ADAM22: variants seen among roughly 807,000 people sequenced by gnomAD.
ADAM22 encodes the protein ADAM metallopeptidase domain 22, also known as disintegrin and metalloproteinase domain-containing protein 22.
A neutral mutation model predicts 144.6 loss-of-function variants in ADAM22; 65 were observed. The observed-to-expected ratio is 0.45, with a 90% CI of 0.37 to 0.55. The LOEUF (loss-of-function observed/expected upper bound fraction) is 0.55. ADAM22 is among the 20% of genes least tolerant of loss of function. ADAM22 has a pLI of 0.00. For synonymous variants in ADAM22, 391 were observed against 412.6 expected, an observed-to-expected ratio of 0.95 and a Z score of 0.63; for missense variants, 974 against 1,184.9, an observed-to-expected ratio of 0.82 and a Z score of 2.61.
rs142901199 is a variant in ADAM22 at position 88,175,536 on chromosome 7, A to T, written c.2301-3399A>T. ...GAGAGATACGTTTTGAGGGGGAAAA[A>T]AACTAGTTACATAAGTGTTTATTAT... On this transcript the variant is annotated intron_variant, in intron 26 of 31. Transcript: ENST00000413139. 9.3e-3 allele frequency among the ~76,000 whole-genome samples: 1,410 copies of T among 152,278 alleles called. 6 individuals carry two copies. The highest frequency in any genetic ancestry group is 0.013 in the Non-Finnish European group (914 of 68,006).
intron 3 of ADAM22, among the ~76,000 whole-genome samples, chr7:88,042,376 T>C (rs1305120991): frequency 2.0e-5 from 3 of 152,008 alleles, no homozygotes; most frequent in Non-Finnish European, 4.4e-5. Flanking sequence ...GTGGATTATG[T>C]TGATCTGGTA....
At chr7:88,018,267 G>A (rs1796988113) in intron 3 of ADAM22, among the ~76,000 whole-genome samples, 1 of 152,116 alleles carries the variant, frequency 6.6e-6, no homozygotes, top group Non-Finnish European at 1.5e-5. Flanking sequence ...GTAGCACCCA[G>A]AAACCACCGT....
chr7:88,075,354 C>T (rs1166313069), intron 3 of ADAM22, among the ~76,000 whole-genome samples: 2 of 151,990 alleles, frequency 1.3e-5, no homozygotes, highest in Admixed American at 1.3e-4. Flanking sequence ...CGGTAGTTTC[C>T]TGGAATTATT....
chr7:87,956,891 T>A (rs2129444476), intron 2 of ADAM22, among the ~76,000 whole-genome samples: 1 of 152,308 alleles, frequency 6.6e-6, no homozygotes, highest in Non-Finnish European at 1.5e-5. Flanking sequence ...GTGTAAAAAA[T>A]TTTTGTGTGG....
chr7:87,934,940 A>T, intron 1 of ADAM22, 86 bp from the exon 2 acceptor site: 1 of 1,570,170 alleles, frequency 6.4e-7, no homozygotes, highest in Non-Finnish European at 8.8e-7. Flanking sequence ...GGGGAGACGT[A>T]GGACTGCAGG....
At chr7:88,015,823 G>A (rs1309953549) in intron 3 of ADAM22, among the ~76,000 whole-genome samples, 1 of 152,104 alleles carries the variant, frequency 6.6e-6, no homozygotes, top group Non-Finnish European at 1.5e-5. Flanking sequence ...GGGAGCAGAG[G>A]CATTATTGTG....
At chr7:88,069,773 A>C (rs571477200) in intron 3 of ADAM22, among the ~76,000 whole-genome samples, 1 of 152,298 alleles carries the variant, frequency 6.6e-6, no homozygotes, top group South Asian at 2.1e-4. Flanking sequence ...CCTGAAATAC[A>C]GGGTGGATAG....
At chr7:88,170,371 C>T (rs1471797043) in intron 25 of ADAM22, among the ~76,000 whole-genome samples, 1 of 151,730 alleles carries the variant, frequency 6.6e-6, no homozygotes, top group Admixed American at 6.6e-5. Flanking sequence ...CCATTTAGAA[C>T]CTGAGAACTC....
At chr7:87,940,475 G>T (rs1041460109) in intron 2 of ADAM22, among the ~76,000 whole-genome samples, 1 of 152,130 alleles carries the variant, frequency 6.6e-6, no homozygotes, top group Non-Finnish European at 1.5e-5. Flanking sequence ...AAAAATTTTA[G>T]AAGAAATTTT....
intron 4 of ADAM22, among the ~76,000 whole-genome samples, chr7:88,077,558 G>A (rs1320873233): frequency 6.6e-6 from 1 of 152,216 alleles, no homozygotes; most frequent in Non-Finnish European, 1.5e-5. Flanking sequence ...CGCCTCACCT[G>A]GGAAGTGCAA....
At chr7:88,170,413 C>T (rs1417982824) in intron 25 of ADAM22, among the ~76,000 whole-genome samples, 1 of 151,736 alleles carries the variant, frequency 6.6e-6, no homozygotes, top group Non-Finnish European at 1.5e-5. Context: ...GTTAAACTTT[C>T]TACCCCTTCT....
chr7:88,130,308 A>G (rs536405372), intron 9 of ADAM22, 80 bp from the exon 10 acceptor site: 7 of 1,121,646 alleles, frequency 6.2e-6, no homozygotes, highest in South Asian at 2.9e-5. Context: ...GGATCTTTCA[A>G]TTGCACCATG....
At chr7:88,072,989 T>C (rs1813225071) in intron 3 of ADAM22, among the ~76,000 whole-genome samples, 2 of 152,212 alleles carry the variant, frequency 1.3e-5, no homozygotes, top group African/African-American at 4.8e-5. Flanking sequence ...ATATATAATA[T>C]ACTCATGATG....
At chr7:88,171,405 A>C in intron 25 of ADAM22, 139 bp from the exon 26 acceptor site, 1 of 669,040 alleles carries the variant, frequency 1.5e-6, no homozygotes, top group South Asian at 2.1e-5. Flanking sequence ...TTCCCATTTT[A>C]ATTCTGTAAT....
intron 11 of ADAM22, chr7:88,132,268 T>A (rs1586023753): frequency 6.6e-6 from 1 of 152,156 alleles, no homozygotes; most frequent in Non-Finnish European, 1.5e-5. Flanking sequence ...ATAACCACAG[T>A]AAATTATTAA....
chr7:87,975,126 G>A (rs576164444), intron 2 of ADAM22, among the ~76,000 whole-genome samples: 10 of 152,146 alleles, frequency 6.6e-5, no homozygotes, highest in Non-Finnish European at 1.3e-4. Flanking sequence ...TTTCCCTACC[G>A]CAGATTCCTT....
intron 3 of ADAM22, among the ~76,000 whole-genome samples, chr7:88,014,137 A>G (rs946606277): frequency 6.6e-6 from 1 of 152,154 alleles, no homozygotes; most frequent in Non-Finnish European, 1.5e-5. Context: ...GTATCTATCT[A>G]GTGGCATATG....
intron 30 of ADAM22, among the ~76,000 whole-genome samples, chr7:88,188,224 T>C (rs1848785546): frequency 1.3e-5 from 2 of 152,102 alleles, no homozygotes; most frequent in Non-Finnish European, 2.9e-5. Context: ...GATTTAGCAT[T>C]TTTGCAGCAA....
At chr7:88,141,379 GCC>G (rs930932085) in intron 14 of ADAM22, among the ~76,000 whole-genome samples, 2 of 152,154 alleles carry the variant, frequency 1.3e-5, no homozygotes, top group Admixed American at 6.5e-5. Context: ...TTGGCATGAA[GCC>G]CTTTAAAAAT....
Sources: gnomAD v4.1 joint callset for allele counts (sites outside exome capture counted in the v4.1 genomes callset) on GRCh38, gnomAD v4.1.1 for gene constraint, MANE v1.5 for transcripts, NCBI Gene and HGNC (gene_info 2026-07-23, HGNC 2026-07-21) for gene names.